Variants in CCL17 observed in about 807,000 individuals in gnomAD.
The protein encoded by CCL17 is C-C motif chemokine 17.
CCL17 carries 8 observed loss-of-function variants against 7.4 expected under a neutral mutation model. The ratio of observed to expected loss-of-function variants is 1.09; its 90% CI spans 0.64 to 1.96. CCL17 has a LOEUF of 1.96. Among genes scored for constraint, CCL17 ranks in the 30% most tolerant of loss-of-function variants. The pLI, the probability that CCL17 is intolerant of heterozygous loss-of-function variation, is 0.00. For synonymous variants in CCL17, 40 were observed against 46.1 expected, an observed-to-expected ratio of 0.87 and a Z score of 0.54; for missense variants, 102 against 113.0, an observed-to-expected ratio of 0.90 and a Z score of 0.44.
chr16:57,398,256 A>G, the CCL17 span, among the ~76,000 whole-genome samples: 1,118 of 152,306 alleles, frequency 7.3e-3, 17 homozygotes, highest in African/African-American at 0.025. Flanking sequence ...GCAACTACCC[A>G]TAAACAGTGA....
Position 57,415,941 on chromosome 16 carries a change from G to C in CCL17, c.*80G>C. 2.2e-6 allele frequency: 2 copies of C among 908,386 alleles called. No individual in the cohort carries two copies. Among genetic ancestry groups the C allele is most frequent in the East Asian group, 5.0e-5 (2 of 39,766 alleles). 56.3% of individuals were successfully genotyped at this position (908,386 alleles called of 1,614,324 possible). ...CGTTGGTGTTCACCGCCCCCACCCTGAGCGCCTGGGTCCAGGGGAGGCCTT... is the reference window on the plus strand; with the variant it reads ...CGTTGGTGTTCACCGCCCCCACCCTCAGCGCCTGGGTCCAGGGGAGGCCTT... On this transcript the variant is annotated 3_prime_UTR_variant, in exon 4 of 4. Coordinates refer to ENST00000219244, the MANE Select transcript of CCL17 (RefSeq NM_002987.3). The surrounding 1 kb of genome is among the most constrained non-coding windows in gnomAD (Gnocchi z 4.5).
intron 1 of CCL17, among the ~76,000 whole-genome samples, chr16:57,406,376 C>T (rs961244756): frequency 6.6e-6 from 1 of 152,156 alleles, no homozygotes; most frequent in Non-Finnish European, 1.5e-5. Flanking sequence ...AGCGATCTTC[C>T]CACCTCAGCC....
chr16:57,415,900 T>G lies in CCL17; in HGVS notation c.*39T>G. ...CAGACTCCTGACTGTCTCCCGGGAC[T>G]ACCTGGGACCTCCACCGTTGGTGTT... On this transcript the variant is annotated 3_prime_UTR_variant, in exon 4 of 4. Transcript: ENST00000219244. This position sits in a 1 kb window ranked among gnomAD's most constrained non-coding sequence, Gnocchi z 4.5. 10 of 1,291,140 alleles carry G rather than the reference T, an allele frequency of 7.7e-6. No individual in the cohort carries two copies. The highest frequency in any genetic ancestry group is 1.2e-5 in the South Asian group (1 of 84,476). 80.0% of individuals were successfully genotyped at this position (1,291,140 alleles called of 1,614,324 possible).
chr16:57,411,998 G>T (rs1038199243), intron 1 of CCL17, among the ~76,000 whole-genome samples: 7 of 152,230 alleles, frequency 4.6e-5, no homozygotes, highest in Non-Finnish European at 8.8e-5. Flanking sequence ...TGGGGGCAAA[G>T]AACCCATCTG....
intron 1 of CCL17, among the ~76,000 whole-genome samples, chr16:57,409,457 C>A (rs571451591): frequency 1.2e-4 from 18 of 152,198 alleles, no homozygotes; most frequent in African/African-American, 4.3e-4. Context: ...CTGAGAGTAA[C>A]GGGGAGGCAT....
chr16:57,414,037 C>A (rs765529293), intron 2 of CCL17, 35 bp downstream of exon 2: 14 of 1,582,742 alleles, frequency 8.8e-6, no homozygotes, highest in South Asian at 1.1e-5. Flanking sequence ...GGGGCAGGCA[C>A]CGGGAGGACA....
chr16:57,404,175 C>T (rs1049166218), upstream of CCL17, among the ~76,000 whole-genome samples: 6 of 152,144 alleles, frequency 3.9e-5, no homozygotes, highest in African/African-American at 1.4e-4. Flanking sequence ...CGCGGGGCCT[C>T]GTGGCTGCTG....
intron 1 of CCL17, among the ~76,000 whole-genome samples, chr16:57,409,097 C>G (rs1176088668): frequency 1.3e-5 from 2 of 152,214 alleles, no homozygotes; most frequent in East Asian, 3.8e-4. Flanking sequence ...AAGGATTTTA[C>G]AGTCTTTTGT....
chr16:57,408,651 CT>C (rs1472361338), intron 1 of CCL17, among the ~76,000 whole-genome samples: 2 of 150,896 alleles, frequency 1.3e-5, no homozygotes, highest in Admixed American at 6.6e-5. Flanking sequence ...TCACTGCAAT[CT>C]CCACCTCCCG....
chr16:57,402,240 ATTGTG>A (rs543480673), upstream of CCL17, among the ~76,000 whole-genome samples: 1,103 of 152,298 alleles, frequency 7.2e-3, 17 homozygotes, highest in African/African-American at 0.025. Flanking sequence ...CCCAGGTGGC[ATTGTG>A]CGACGTGTCA....
At chr16:57,400,617 C>T (rs1421585006), upstream of CCL17, among the ~76,000 whole-genome samples, 1 of 152,062 alleles carries the variant, frequency 6.6e-6, no homozygotes, top group African/African-American at 2.4e-5. Context: ...GAGCATTGGG[C>T]TGGTTTCCAT....
At position 57,415,638 on chromosome 16, in the gene CCL17, G is replaced by T; in HGVS notation, c.189-127G>T. On this transcript the variant is annotated intron_variant, in intron 3 of 3. Transcript: ENST00000219244. The surrounding 1 kb of genome is among the most constrained non-coding windows in gnomAD (Gnocchi z 4.5). Reference sequence around the variant, plus strand: ...CCCAGATCTGCCACCAATGCCCTGTGTGACAGCAGCAACTTCCTGCCCCTC... The same window carrying T: ...CCCAGATCTGCCACCAATGCCCTGTTTGACAGCAGCAACTTCCTGCCCCTC... 1 of 663,554 alleles carries T rather than the reference G, an allele frequency of 1.5e-6. No individual in the cohort carries two copies. The allele number at this position is 663,554 out of a possible 1,614,324, so 41.1% of individuals were successfully genotyped here.
intron 2 of CCL17, 150 bp from the exon 3 acceptor site, chr16:57,414,929 CAT>C (rs1232578600): frequency 1.5e-6 from 1 of 682,194 alleles, no homozygotes; most frequent in Non-Finnish European, 2.7e-6. Flanking sequence ...GACACACACA[CAT>C]ACACATAGGC....
chr16:57,415,241 T>C lies in CCL17; in HGVS notation c.188+43T>C, dbSNP rs1567564916. 1 of 1,285,756 alleles carries C rather than the reference T, an allele frequency of 7.8e-7. No individual in the cohort carries two copies. The highest frequency in any genetic ancestry group is 1.5e-5 in the African/African-American group (1 of 68,632). 79.6% of individuals were successfully genotyped at this position (1,285,756 alleles called of 1,614,324 possible). On this transcript the variant is annotated intron_variant, in intron 3 of 3. Transcript: ENST00000219244. The surrounding 1 kb of genome is among the most constrained non-coding windows in gnomAD (Gnocchi z 4.5). ...CACCCCTGCTCCTCAGGGCCAAGCA[T>C]GGGGACAAGTGCACCCTGGAGCTCC... is the stretch of plus-strand genomic sequence containing the variant.
In CCL17 at chr16:57,411,717, C is replaced by G. The variant is rs548792872; in HGVS notation, c.-59-2157C>G. 2.6e-5 allele frequency among the ~76,000 whole-genome samples: 4 copies of G among 152,322 alleles called. No individual in the cohort carries two copies. The South Asian group carries it at 8.3e-4, about 32-fold the overall frequency. ...GGGAGGGGTGGTCGGCGGAGGCGCC[C>G]CTTCCTGCCTCTTCCGAGGACCCAG... is the stretch of plus-strand genomic sequence containing the variant. On this transcript the variant is annotated intron_variant, in intron 1 of 3. Transcript: ENST00000219244.
At chr16:57,413,783 G>T in intron 1 of CCL17, 91 bp from the exon 2 acceptor site, 1 of 578,710 alleles carries the variant, frequency 1.7e-6, no homozygotes, top group South Asian at 2.3e-5. Context: ...AACTTCACTG[G>T]TCTAGGGAAG....
At chr16:57,403,475 ATATTATATAATAAT>A (rs1902635826), upstream of CCL17, among the ~76,000 whole-genome samples, 2 of 2,122 alleles carry the variant, frequency 9.4e-4, 1 homozygote, top group Non-Finnish European at 2.6e-3. Context: ...TATATTATAT[ATATTATATAATAAT>A]ATATATATTA....
At chr16:57,397,433 G>A in the CCL17 span, among the ~76,000 whole-genome samples, 5 of 152,216 alleles carry the variant, frequency 3.3e-5, no homozygotes, top group Admixed American at 3.3e-4. Context: ...GAATACTGGG[G>A]CTTAATCTCT....
chr16:57,402,277 C>T (rs1301326009), upstream of CCL17, among the ~76,000 whole-genome samples: 6 of 152,320 alleles, frequency 3.9e-5, no homozygotes, highest in Admixed American at 3.3e-4. Flanking sequence ...GCTGTTGAGT[C>T]GTGACCCCAT....
Sources: allele counts gnomAD v4.1 joint callset (sites outside exome capture counted in the v4.1 genomes callset), GRCh38; gene constraint gnomAD v4.1.1; non-coding constraint Gnocchi (gnomAD v3.1); transcripts MANE v1.5; gene names NCBI Gene and HGNC (gene_info 2026-07-23, HGNC 2026-07-21).